Variants in NUTM2B observed in about 807,000 individuals in gnomAD.
NUTM2B encodes family with sequence similarity 22, member B.
NUTM2B carries 2 observed loss-of-function variants against 42.4 expected under a neutral mutation model. The ratio of observed to expected loss-of-function variants is 0.05; its 90% CI spans 0.02 to 0.15. The LOEUF (loss-of-function observed/expected upper bound fraction) is 0.15, where lower values mean the gene tolerates loss of function less well. Among genes scored for constraint, NUTM2B ranks in the 10% least tolerant of loss-of-function variants. The pLI, the probability that NUTM2B is intolerant of heterozygous loss-of-function variation, is 1.00. For synonymous variants in NUTM2B, 18 were observed against 402.4 expected (o/e 0.04, Z 11.43); for missense variants, 58 against 952.6 (o/e 0.06, Z 12.36).
chr10:79,710,879 TGA>T, intron 5 of NUTM2B, 115 bp downstream of exon 5: 2 of 1,260,464 alleles, frequency 1.6e-6, no homozygotes, highest in South Asian at 1.7e-5. Flanking sequence ...TCCATGGATT[TGA>T]GTGTCTGTGT....
upstream of NUTM2B, among the ~76,000 whole-genome samples, chr10:79,699,643 A>G (rs532533312): frequency 1.5e-3 from 225 of 152,290 alleles, 6 homozygotes; most frequent in South Asian, 0.045. Flanking sequence ...GGGTTTCACC[A>G]TGTTGGTCAG....
At chr10:79,692,694 A>C in the NUTM2B span, among the ~76,000 whole-genome samples, 1 of 152,190 alleles carries the variant, frequency 6.6e-6, no homozygotes, top group African/African-American at 2.4e-5. Context: ...TGCTGGTAGA[A>C]CACCCCATCT....
upstream of NUTM2B, among the ~76,000 whole-genome samples, chr10:79,701,400 G>C (rs994504022): frequency 6.6e-6 from 1 of 151,946 alleles, no homozygotes. Flanking sequence ...CAGAATTCCA[G>C]TTGGCAATAA....
chr10:79,701,152 C>A (rs572575398), upstream of NUTM2B, among the ~76,000 whole-genome samples: 1 of 152,184 alleles, frequency 6.6e-6, no homozygotes, highest in East Asian at 1.9e-4. Flanking sequence ...ATAGTATGCC[C>A]TGTTTTCCTA....
At chr10:79,700,193 G>C (rs1214699345), upstream of NUTM2B, among the ~76,000 whole-genome samples, 1 of 152,278 alleles carries the variant, frequency 6.6e-6, no homozygotes, top group African/African-American at 2.4e-5. Flanking sequence ...TCCTATCAGT[G>C]ACAAATCAGC....
At chr10:79,702,595 G>A (rs578232070), upstream of NUTM2B, among the ~76,000 whole-genome samples, 92 of 151,222 alleles carry the variant, frequency 6.1e-4, no homozygotes, top group African/African-American at 2.0e-3. Context: ...AGTGCCGACA[G>A]GGTGTGTTTC....
At chr10:79,700,458 T>A (rs1431253544), upstream of NUTM2B, among the ~76,000 whole-genome samples, 6 of 152,250 alleles carry the variant, frequency 3.9e-5, no homozygotes, top group Non-Finnish European at 7.3e-5. Context: ...CAGGGCCAGG[T>A]GAGCAAGGGA....
In NUTM2B at chr10:79,709,698, A is replaced by T. The variant is rs1488653330; in HGVS notation, c.1212-102A>T. 5.0e-6 allele frequency: 4 copies of T among 804,824 alleles called. 1 individual carries two copies. In the East Asian group the frequency reaches 1.4e-4, roughly 27 times the overall value. 49.9% of individuals were successfully genotyped at this position (804,824 alleles called of 1,614,324 possible). A position where few individuals can be genotyped will look rare whatever the true frequency, so the allele number is the denominator to read the frequency against. ...GACACAGTGAGGGCCTGGACAGCCC[A>T]CCCGAGGCACTCCCTCCTATCCCTG... is the stretch of plus-strand genomic sequence containing the variant. On this transcript the variant is annotated intron_variant, in intron 3 of 6. Transcript: ENST00000429828.
upstream of NUTM2B, among the ~76,000 whole-genome samples, chr10:79,699,106 AAAG>A (rs1448974710): frequency 6.6e-6 from 1 of 151,682 alleles, no homozygotes; most frequent in African/African-American, 2.4e-5. Flanking sequence ...AAAATAATGA[AAAG>A]AAGCACGCAT....
the NUTM2B span, among the ~76,000 whole-genome samples, chr10:79,693,325 G>A: frequency 6.6e-6 from 1 of 152,222 alleles, no homozygotes; most frequent in Non-Finnish European, 1.5e-5. Flanking sequence ...TAGGGCACCA[G>A]GGCCCAGTGA....
upstream of NUTM2B, among the ~76,000 whole-genome samples, chr10:79,700,796 G>A (rs1251453455): frequency 2.0e-5 from 3 of 152,216 alleles, no homozygotes; most frequent in East Asian, 3.9e-4. Context: ...AACCTCGCCC[G>A]CCTCAAGGCT....
exon 7 of NUTM2B, chr10:79,712,065 G>T: frequency 7.1e-7 from 1 of 1,412,528 alleles, no homozygotes; most frequent in Non-Finnish European, 9.4e-7. Flanking sequence ...TCCCTGGAGG[G>T]TCTCCTGTCA....
chr10:79,702,656 C>A (rs2132240464), upstream of NUTM2B, among the ~76,000 whole-genome samples: 1 of 150,340 alleles, frequency 6.7e-6, no homozygotes, highest in East Asian at 2.0e-4. Context: ...CTTCCCTTCC[C>A]CAACACCCTC....
At chr10:79,700,640 C>A (rs890490301), upstream of NUTM2B, among the ~76,000 whole-genome samples, 1 of 152,068 alleles carries the variant, frequency 6.6e-6, no homozygotes, top group African/African-American at 2.4e-5. Flanking sequence ...TCACCCTTGG[C>A]TTTATTTTTA....
Position 79,707,251 on chromosome 10 carries a change from G to T in NUTM2B, c.1082+510G>T, listed in dbSNP as rs1221614852. 2.3e-5 allele frequency among the ~76,000 whole-genome samples: 3 copies of T among 132,138 alleles called. 1 individual carries two copies. Among genetic ancestry groups the T allele is most frequent in the African/African-American group, 8.7e-5 (3 of 34,476 alleles). 86.7% of individuals were successfully genotyped at this position (132,138 alleles called of 152,430 possible). A position where few individuals can be genotyped will look rare whatever the true frequency, so the allele number is the denominator to read the frequency against. ...GGGGATGGTCTCGGGCCCTGCACTGGGGCCGATGCCGGGCAGGTATTTGCA... is the reference window on the plus strand; with the variant it reads ...GGGGATGGTCTCGGGCCCTGCACTGTGGCCGATGCCGGGCAGGTATTTGCA... On this transcript the variant is annotated intron_variant, in intron 2 of 6. Coordinates refer to ENST00000429828, the Ensembl canonical transcript of NUTM2B.
exon 7 of NUTM2B, chr10:79,711,865 C>T (rs756620425): frequency 7.3e-6 from 11 of 1,511,782 alleles, no homozygotes; most frequent in Admixed American, 3.8e-5. Flanking sequence ...GGAAACCTGC[C>T]CACCCCAGAT....
intron 2 of NUTM2B, among the ~76,000 whole-genome samples, chr10:79,707,309 C>T (rs1419684551): frequency 2.3e-5 from 3 of 131,344 alleles, no homozygotes; most frequent in African/African-American, 8.9e-5. Flanking sequence ...GAAAAAGGGA[C>T]AATGATGCTT....
At chr10:79,700,822 G>A (rs1742199), upstream of NUTM2B, among the ~76,000 whole-genome samples, 1,039 of 152,140 alleles carry the variant, frequency 6.8e-3, 5 homozygotes, top group African/African-American at 0.021. Context: ...GGCGGCACAC[G>A]GGGCAGGCCA....
At chr10:79,698,402 T>C (rs1356035562), upstream of NUTM2B, among the ~76,000 whole-genome samples, 1 of 149,756 alleles carries the variant, frequency 6.7e-6, no homozygotes, top group African/African-American at 2.5e-5. Flanking sequence ...AAATACACTT[T>C]AAATACTAAC....
Sources: gnomAD v4.1 joint callset for allele counts (sites outside exome capture counted in the v4.1 genomes callset) on GRCh38, gnomAD v4.1.1 for gene constraint, MANE v1.5 for transcripts, NCBI Gene and HGNC (gene_info 2026-07-23, HGNC 2026-07-21) for gene names.